The following MAL2 variants were observed in gnomAD, a reference collection of about 807,000 sequenced individuals.
MAL2 encodes the protein mal, T cell differentiation protein 2.
MAL2 carries 17 observed loss-of-function variants against 18.1 expected under a neutral mutation model. The ratio of observed to expected loss-of-function variants is 0.94; its 90% CI spans 0.64 to 1.41. The LOEUF (loss-of-function observed/expected upper bound fraction) is 1.41, where lower values mean the gene tolerates loss of function less well. MAL2 is among the 40% of genes most tolerant of loss of function. The probability of loss-of-function intolerance (pLI) is 0.00; values close to 1 mark genes in which losing one functional copy is unlikely to be tolerated. For missense variants in MAL2, 222 were observed against 231.9 expected (o/e 0.96, Z 0.28); for synonymous variants, 102 against 102.3 (o/e 1.00, Z 0.02).
intron 2 of MAL2, among the ~76,000 whole-genome samples, chr8:119,234,216 G>C (rs1017416439): frequency 2.0e-5 from 3 of 152,128 alleles, no homozygotes; most frequent in Admixed American, 1.3e-4. Context: ...CGGGAAAATC[G>C]GGTCACTCCC....
In MAL2 at chr8:119,243,802, C is replaced by G. The variant is rs1339113370; in HGVS notation, c.*314C>G. ...ATATTGTTCATAAAAAATTAGTATC[C>G]CTTTTGTTTGGTTGCTGAGTCACCT... On this transcript the variant is annotated 3_prime_UTR_variant, in exon 4 of 4. Transcript: ENST00000614891. The G allele has an allele frequency of 5.0e-6, 1 of 201,682 alleles. No individual in the cohort carries two copies. The highest frequency in any genetic ancestry group is 1.1e-4 in the East Asian group (1 of 9,358). 12.5% of individuals were successfully genotyped at this position (201,682 alleles called of 1,614,324 possible).
chr8:119,218,454 C>G (rs1817396437), intron 1 of MAL2, among the ~76,000 whole-genome samples: 1 of 152,110 alleles, frequency 6.6e-6, no homozygotes, highest in Non-Finnish European at 1.5e-5. Flanking sequence ...GCCTGCCTCC[C>G]CTGCCTACCT....
rs183744316 is a variant in MAL2, at chr8:119,245,593, G to A, written c.*2105G>A. ...TGTAAAAATGAGAAAGTGTTGGTTG[G>A]TTTTAAAATCTGGTAACTCCATGAT... On this transcript the variant is annotated 3_prime_UTR_variant, in exon 4 of 4. Transcript: ENST00000614891. 762 of 152,532 alleles carry A rather than the reference G, an allele frequency of 5.0e-3. 7 individuals carry two copies. The highest frequency in any genetic ancestry group is 8.9e-3 in the Non-Finnish European group (608 of 67,992). 9.4% of individuals were successfully genotyped at this position (152,532 alleles called of 1,614,324 possible). A position where few individuals can be genotyped will look rare whatever the true frequency, so the allele number is the denominator to read the frequency against.
chr8:119,212,335 A>G (rs936192604), intron 1 of MAL2, among the ~76,000 whole-genome samples: 7 of 152,206 alleles, frequency 4.6e-5, no homozygotes, highest in African/African-American at 1.2e-4. Context: ...TATATTCCCC[A>G]AGTTATTCAT....
intron 2 of MAL2, among the ~76,000 whole-genome samples, chr8:119,238,347 C>A (rs74896179): frequency 1.3e-5 from 2 of 152,292 alleles, no homozygotes; most frequent in African/African-American, 2.4e-5. Flanking sequence ...AATGGCCATA[C>A]TGCCCAAGGT....
chr8:119,245,484 C>T lies in MAL2; in HGVS notation c.*1996C>T, dbSNP rs980674393. ...CATCTGTGAATACTTAGATTTGTAG[C>T]TTAATCACATTCTAGACTTGTGAGT... On this transcript the variant is annotated 3_prime_UTR_variant, in exon 4 of 4. Transcript: ENST00000614891. The T allele has an allele frequency of 6.6e-6, 1 of 152,568 alleles. No individual in the cohort carries two copies. Among genetic ancestry groups the T allele is most frequent in the Non-Finnish European group, 1.5e-5 (1 of 68,018 alleles). The allele number at this position is 152,568 out of a possible 1,614,324, so 9.5% of individuals were successfully genotyped here. A position where few individuals can be genotyped will look rare whatever the true frequency, so the allele number is the denominator to read the frequency against.
At chr8:119,227,632 A>T (rs1263044584) in intron 2 of MAL2, among the ~76,000 whole-genome samples, 1 of 152,202 alleles carries the variant, frequency 6.6e-6, no homozygotes, top group Non-Finnish European at 1.5e-5. Context: ...TCACAGCTAA[A>T]CATCAAGTTC....
Position 119,208,679 on chromosome 8 carries a change from C to T in MAL2, c.132+75C>T. The T allele has an allele frequency of 1.6e-6, 2 of 1,225,770 alleles. No homozygotes were observed. The highest frequency in any genetic ancestry group is 3.3e-5 in the East Asian group (1 of 30,710). 75.9% of individuals were successfully genotyped at this position (1,225,770 alleles called of 1,614,324 possible). ...GCGGCATCCTTGTCCCCCGGGCTGT[C>T]TTCCTCTGCGTCCGCCCCCGGCCTC... On this transcript the variant is annotated intron_variant, in intron 1 of 3. Transcript: ENST00000614891. This position sits in a 1 kb window ranked among gnomAD's most constrained non-coding sequence, Gnocchi z 4.3.
Position 119,208,802 on chromosome 8 carries a change from G to A in MAL2, c.132+198G>A, listed in dbSNP as rs569065032. The A allele has an allele frequency of 6.3e-4, 530 of 837,408 alleles. 3 individuals are homozygous for A. The East Asian group carries it at 0.017, about 26-fold the overall frequency. The allele number at this position is 837,408 out of a possible 1,614,324, so 51.9% of individuals were successfully genotyped here. ...CCTCCCTCCTAGCACCTGTTACGCG[G>A]GCACCTGCTCCCCCGCGGGCGACGG... On this transcript the variant is annotated intron_variant, in intron 1 of 3. Coordinates refer to ENST00000614891, the MANE Select transcript of MAL2 (RefSeq NM_052886.3). This position sits in a 1 kb window ranked among gnomAD's most constrained non-coding sequence, Gnocchi z 4.3.
chr8:119,243,404 TC>T lies in MAL2; in HGVS notation c.460-12del. On this transcript the variant is annotated splice_polypyrimidine_tract_variant and intron_variant, in intron 3 of 3. Transcript: ENST00000614891. ...TGTAAATCTGATGTGAATTTTTGTTTCTTTTTTCTTAGATTTTTGCCTTTAT... is the reference window on the plus strand; with the variant it reads ...TGTAAATCTGATGTGAATTTTTGTTTTTTTTTCTTAGATTTTTGCCTTTAT... The T allele has an allele frequency of 1.3e-6, 2 of 1,572,196 alleles. No individual in the cohort carries two copies. Among genetic ancestry groups the T allele is most frequent in the Non-Finnish European group, 1.7e-6 (2 of 1,156,516 alleles).
intron 2 of MAL2, among the ~76,000 whole-genome samples, chr8:119,232,663 C>G (rs1254908299): frequency 6.6e-6 from 1 of 152,046 alleles, no homozygotes; most frequent in Non-Finnish European, 1.5e-5. Context: ...TGGAAAATCT[C>G]TAATGATAAA....
At chr8:119,235,712 G>C (rs1387323524) in intron 2 of MAL2, among the ~76,000 whole-genome samples, 3 of 150,354 alleles carry the variant, frequency 2.0e-5, no homozygotes, top group Non-Finnish European at 4.4e-5. Context: ...AAGTGAAGGA[G>C]AAATAAAATA....
At chr8:119,234,353 A>C (rs1435850592) in intron 2 of MAL2, among the ~76,000 whole-genome samples, 1 of 152,160 alleles carries the variant, frequency 6.6e-6, no homozygotes. Context: ...GTCTGAGATC[A>C]AACTGCAAGG....
chr8:119,237,825 CA>C (rs1318869381), intron 2 of MAL2, among the ~76,000 whole-genome samples: 1 of 152,054 alleles, frequency 6.6e-6, no homozygotes, highest in Admixed American at 6.5e-5. Flanking sequence ...AACCCACAGC[CA>C]ATATCATACT....
chr8:119,240,319 C>CAGTA lies in MAL2; in HGVS notation c.459+4_459+7dup. 1 of 1,613,282 alleles carries CAGTA rather than the reference C, an allele frequency of 6.2e-7. No homozygotes were observed. Among genetic ancestry groups the CAGTA allele is most frequent in the Admixed American group, 1.7e-5 (1 of 59,870 alleles). ...CAGTATAACATAAACGTAGCAGCCT[C>CAGTA]AGTAAGTATTCATATTCAATGAGTA... On this transcript the variant is annotated frameshift_variant and splice_region_variant, in exon 3 of 4. Coordinates refer to ENST00000614891, the MANE Select transcript of MAL2 (RefSeq NM_052886.3). LOFTEE classifies it high-confidence loss of function.
intron 2 of MAL2, among the ~76,000 whole-genome samples, chr8:119,223,623 C>T (rs957173255): frequency 3.9e-5 from 6 of 152,118 alleles, no homozygotes; most frequent in Non-Finnish European, 8.8e-5. Flanking sequence ...GGTCTTTTAG[C>T]TGGAGTAGTC....
chr8:119,233,828 AG>A (rs1817795907), intron 2 of MAL2, among the ~76,000 whole-genome samples: 3 of 152,042 alleles, frequency 2.0e-5, no homozygotes, highest in Non-Finnish European at 4.4e-5. Context: ...TCATTTTATG[AG>A]GCTAGCATCA....
At chr8:119,235,172 C>T (rs1220566288) in intron 2 of MAL2, among the ~76,000 whole-genome samples, 1 of 152,102 alleles carries the variant, frequency 6.6e-6, no homozygotes, top group Non-Finnish European at 1.5e-5. Flanking sequence ...GCAGAAGCCT[C>T]AGGAGCGAAT....
At chr8:119,231,809 C>G (rs1325454671) in intron 2 of MAL2, among the ~76,000 whole-genome samples, 2 of 152,094 alleles carry the variant, frequency 1.3e-5, no homozygotes, top group Non-Finnish European at 2.9e-5. Context: ...GTGAAATAAG[C>G]CAGGCACGGA....
Sources: gnomAD v4.1 joint callset for allele counts (sites outside exome capture counted in the v4.1 genomes callset) on GRCh38, gnomAD v4.1.1 for gene constraint, Gnocchi (gnomAD v3.1) non-coding constraint, MANE v1.5 for transcripts, NCBI Gene and HGNC (gene_info 2026-07-23, HGNC 2026-07-21) for gene names.